ANKRD36: variants seen among roughly 807,000 people sequenced by gnomAD.
ANKRD36 encodes the protein ankyrin repeat domain 36, also known as ankyrin repeat domain-containing protein 36A.
Under a neutral mutation model 278.1 loss-of-function variants are expected in ANKRD36, and 179 were observed. That is an observed-to-expected ratio of 0.64 (90% CI 0.57 to 0.73). The LOEUF (loss-of-function observed/expected upper bound fraction) is 0.73, where lower values mean the gene tolerates loss of function less well. Among genes scored for constraint, ANKRD36 ranks in the 30% least tolerant of loss-of-function variants. ANKRD36 has a pLI of 0.00. For synonymous variants in ANKRD36, 320 were observed against 641.1 expected (o/e 0.50, Z 7.57); for missense variants, 1,159 against 1,956.7 (o/e 0.59, Z 7.69).
chr2:97,220,761 CTTTTTTTTTTTTAATT>C (rs2067328344), intron 66 of ANKRD36, among the ~76,000 whole-genome samples: 1 of 70,606 alleles, frequency 1.4e-5, no homozygotes, highest in Non-Finnish European at 2.6e-5. Flanking sequence ...TTTTAATTTT[CTTTTTTTTTTTTAATT>C]TTTTTTTTTT....
chr2:97,200,461 T>A lies in ANKRD36; in HGVS notation c.2793T>A (p.Ser931Arg). The A allele has an allele frequency of 6.3e-7, 1 of 1,593,230 alleles. No homozygotes were observed. Among genetic ancestry groups the A allele is most frequent in the Non-Finnish European group, 8.5e-7 (1 of 1,174,768 alleles). Reference protein sequence around the residue: ...SRKKPSLEATSDEKDSFSNIT... With the variant: ...SRKKPSLEATRDEKDSFSNIT... ...TTTCAAATTCCATTCAGGCCACAAGTGATGAGAAGGATTCTTTTTCGAATA... is the reference window on the plus strand; with the variant it reads ...TTTCAAATTCCATTCAGGCCACAAGAGATGAGAAGGATTCTTTTTCGAATA... Residue 931 changes from serine (S) to arginine (R), a missense_variant, in exon 46 of 76, where the codon AGT becomes AGA. By Grantham distance (110) the Ser-to-Arg change is moderately radical (BLOSUM62 -1). Transcript: ENST00000420699.
intron 26 of ANKRD36, among the ~76,000 whole-genome samples, chr2:97,182,520 C>A (rs62154768): frequency 6.7e-6 from 1 of 148,460 alleles, no homozygotes; most frequent in East Asian, 2.0e-4. Flanking sequence ...ATTGGCTTTG[C>A]TTTTCAATTA....
intron 22 of ANKRD36, among the ~76,000 whole-genome samples, chr2:97,175,578 C>T (rs1237475188): frequency 6.6e-6 from 1 of 151,884 alleles, no homozygotes; most frequent in East Asian, 1.9e-4. Flanking sequence ...AAAACCAGCT[C>T]CTGGATTCAT....
chr2:97,131,451 A>C (rs1275398255), intron 6 of ANKRD36, among the ~76,000 whole-genome samples: 1 of 152,064 alleles, frequency 6.6e-6, no homozygotes, highest in Non-Finnish European at 1.5e-5. Flanking sequence ...CTCCTGCCTC[A>C]GCCTCCCAAA....
At chr2:97,204,558 G>C (rs1434077880) in intron 50 of ANKRD36, among the ~76,000 whole-genome samples, 2 of 151,300 alleles carry the variant, frequency 1.3e-5, no homozygotes, top group Admixed American at 6.6e-5. Context: ...TCTCCAGCTT[G>C]TTTTCAGTAG....
chr2:97,205,918 A>G, intron 50 of ANKRD36, 22 bp from the exon 51 acceptor site: 3 of 1,544,508 alleles, frequency 1.9e-6, no homozygotes, highest in Non-Finnish European at 2.6e-6. Context: ...ATGACTGATT[A>G]TGAATCACTT....
intron 6 of ANKRD36, among the ~76,000 whole-genome samples, chr2:97,138,372 A>G (rs1489867493): frequency 6.6e-6 from 1 of 152,036 alleles, no homozygotes; most frequent in East Asian, 1.9e-4. Flanking sequence ...AAGGAATACA[A>G]CTCACAAGGG....
At chr2:97,173,260 C>T (rs1405989562) in intron 22 of ANKRD36, among the ~76,000 whole-genome samples, 5 of 151,016 alleles carry the variant, frequency 3.3e-5, no homozygotes, top group Non-Finnish European at 7.4e-5. Flanking sequence ...TGTTCATATC[C>T]TGGAAAATTC....
chr2:97,194,485 G>A (rs552502314), intron 38 of ANKRD36, among the ~76,000 whole-genome samples: 1 of 151,578 alleles, frequency 6.6e-6, no homozygotes, highest in South Asian at 2.1e-4. Context: ...TTTTATTTTA[G>A]CTTTCGACAC....
At chr2:97,136,531 CT>C (rs1426440437) in intron 6 of ANKRD36, among the ~76,000 whole-genome samples, 1 of 151,916 alleles carries the variant, frequency 6.6e-6, no homozygotes, top group Admixed American at 6.6e-5. Flanking sequence ...GGGGAATAGC[CT>C]TGTGGTACTG....
chr2:97,173,571 C>T (rs2053313722), intron 22 of ANKRD36, among the ~76,000 whole-genome samples: 2 of 151,800 alleles, frequency 1.3e-5, no homozygotes, highest in Non-Finnish European at 2.9e-5. Context: ...ACAGATGTCA[C>T]ATACAGTGGT....
At chr2:97,207,713 A>C (rs2063254171) in intron 52 of ANKRD36, 98 bp from the exon 53 acceptor site, 2 of 1,521,014 alleles carry the variant, frequency 1.3e-6, no homozygotes, top group Admixed American at 3.9e-5. Flanking sequence ...ACGCTAATAC[A>C]GGCAGGAGGA....
At chr2:97,160,407 T>A (rs1374622839) in intron 17 of ANKRD36, among the ~76,000 whole-genome samples, 1 of 152,154 alleles carries the variant, frequency 6.6e-6, no homozygotes, top group Non-Finnish European at 1.5e-5. Context: ...TTTGTGTTAT[T>A]CTCTGGAAGC....
chr2:97,179,184 C>T (rs1416473147), intron 22 of ANKRD36, among the ~76,000 whole-genome samples: 1 of 151,490 alleles, frequency 6.6e-6, no homozygotes. Context: ...ATATTACATA[C>T]TAGAATTCAC....
intron 67 of ANKRD36, among the ~76,000 whole-genome samples, chr2:97,233,017 A>C (rs1309992589): frequency 1.3e-5 from 2 of 151,438 alleles, no homozygotes; most frequent in African/African-American, 4.8e-5. Context: ...TTTAAAAAAA[A>C]AAAAAAAGAT....
chr2:97,193,991 C>A (rs1482902145), intron 38 of ANKRD36, among the ~76,000 whole-genome samples: 1 of 151,512 alleles, frequency 6.6e-6, no homozygotes, highest in African/African-American at 2.4e-5. Context: ...TGCTTGTAGC[C>A]ATTTTACTTT....
chr2:97,225,948 C>T (rs1404139323), intron 67 of ANKRD36, among the ~76,000 whole-genome samples: 2 of 151,780 alleles, frequency 1.3e-5, no homozygotes, highest in Admixed American at 6.6e-5. Flanking sequence ...CTACAAAGGA[C>T]ATGAACTCAT....
chr2:97,131,502 A>G (rs2153429631), intron 6 of ANKRD36, among the ~76,000 whole-genome samples: 1 of 152,082 alleles, frequency 6.6e-6, no homozygotes, highest in South Asian at 2.1e-4. Flanking sequence ...CTGGTCTATA[A>G]CTTCCTTTAT....
At chr2:97,155,360 C>G (rs2047198321) in intron 15 of ANKRD36, among the ~76,000 whole-genome samples, 1 of 144,938 alleles carries the variant, frequency 6.9e-6, no homozygotes, top group Non-Finnish European at 1.6e-5. Context: ...GTAGTCCCAC[C>G]TACTCAAGAG....
Sources: allele counts gnomAD v4.1 joint callset (sites outside exome capture counted in the v4.1 genomes callset), GRCh38; gene constraint gnomAD v4.1.1; transcripts MANE v1.5; gene names NCBI Gene and HGNC (gene_info 2026-07-23, HGNC 2026-07-21).